Variants in GJC3 observed in about 807,000 individuals in gnomAD.
The protein encoded by GJC3 is gap junction protein gamma 3.
GJC3 carries 17 observed loss-of-function variants against 19.8 expected under a neutral mutation model. The ratio of observed to expected loss-of-function variants is 0.86; its 90% CI spans 0.59 to 1.29. The LOEUF is 1.29. Ranked by LOEUF, GJC3 falls within the 50% of genes most tolerant of loss-of-function variation. GJC3 has a pLI of 0.00. For missense variants in GJC3, 317 were observed against 332.5 expected, an observed-to-expected ratio of 0.95 and a Z score of 0.36; for synonymous variants, 140 against 136.5, an observed-to-expected ratio of 1.03 and a Z score of -0.18.
chr7:99,924,698 A>T (rs1819756748), intron 1 of GJC3, among the ~76,000 whole-genome samples: 1 of 152,362 alleles, frequency 6.6e-6, no homozygotes, highest in South Asian at 2.1e-4. Context: ...TTATGAATTC[A>T]TGGATTCCTA....
At chr7:99,924,075 C>T (rs2527906) in intron 1 of GJC3, among the ~76,000 whole-genome samples, 96,775 of 152,106 alleles carry the variant, frequency 0.64, 32,381 homozygotes, top group African/African-American at 0.84. Context: ...ATAGAAAATA[C>T]AAAGAATAGC....
upstream of GJC3, chr7:99,929,653 T>C (rs545208533): frequency 3.8e-6 from 6 of 1,572,194 alleles, no homozygotes; most frequent in East Asian, 1.1e-4. Flanking sequence ...GAGATCAGTG[T>C]TGTTCACTGT....
intron 1 of GJC3, 146 bp from the exon 2 acceptor site, chr7:99,923,749 C>A (rs866237217): frequency 1.5e-6 from 1 of 677,390 alleles, no homozygotes; most frequent in East Asian, 2.7e-5. Flanking sequence ...GCTTTGAAAA[C>A]TGAACTGACA....
Position 99,928,899 on chromosome 7 carries a change from T to G in GJC3, c.722A>C (p.His241Pro). Residue 241 changes from histidine to proline, a missense_variant, in exon 1 of 2, where the codon CAC becomes CCC. By Grantham distance (77) the His-to-Pro change is moderately conservative. Coordinates refer to ENST00000312891, the MANE Select transcript of GJC3 (RefSeq NM_181538.3). ...TGGGAGGCTATCGGTTGCTTTCTTGTGTCTTCTGGTGCTCTCTGAAGTTAG... is the reference window on the plus strand; with the variant it reads ...TGGGAGGCTATCGGTTGCTTTCTTGGGTCTTCTGGTGCTCTCTGAAGTTAG... ...YFLTSESTRR[H>P]KKATDSLPVV... 1.2e-6 allele frequency: 2 copies of G among 1,614,178 alleles called. No homozygotes were observed. Among genetic ancestry groups the G allele is most frequent in the Non-Finnish European group, 1.7e-6 (2 of 1,180,028 alleles).
At chr7:99,929,986 G>T (rs1584284767), upstream of GJC3, among the ~76,000 whole-genome samples, 1 of 152,306 alleles carries the variant, frequency 6.6e-6, no homozygotes, top group South Asian at 2.1e-4. Flanking sequence ...AGTAGACTGG[G>T]ATGTTTTGTT....
intron 1 of GJC3, among the ~76,000 whole-genome samples, chr7:99,928,419 A>C (rs979137253): frequency 2.6e-5 from 4 of 152,240 alleles, no homozygotes; most frequent in Non-Finnish European, 4.4e-5. Flanking sequence ...CTAATTTGTC[A>C]CAGACATGAA....
intron 1 of GJC3, among the ~76,000 whole-genome samples, chr7:99,928,076 A>G (rs1037530953): frequency 6.6e-6 from 1 of 152,240 alleles, no homozygotes; most frequent in African/African-American, 2.4e-5. Context: ...TTTCTGGCTT[A>G]TGACATGTGC....
At chr7:99,924,681 A>G (rs1235879766) in intron 1 of GJC3, among the ~76,000 whole-genome samples, 1 of 152,162 alleles carries the variant, frequency 6.6e-6, no homozygotes, top group Non-Finnish European at 1.5e-5. Context: ...TTATTCAATT[A>G]TTTATATTAT....
intron 1 of GJC3, among the ~76,000 whole-genome samples, 153 bp downstream of exon 1, chr7:99,928,687 G>A (rs748858471): frequency 3.9e-5 from 6 of 152,186 alleles, no homozygotes; most frequent in Non-Finnish European, 8.8e-5. Context: ...GAAAAGGGTT[G>A]GGAGTGGCGG....
rs779931199 is a variant in GJC3 at position 99,923,494 on chromosome 7, C to T, written c.*51G>A. On this transcript the variant is annotated 3_prime_UTR_variant, in exon 2 of 2. Coordinates refer to ENST00000312891, the MANE Select transcript of GJC3 (RefSeq NM_181538.3). Reference sequence around the variant, plus strand: ...AATGGTGAATAAGCTCCTCCTTGGACAGGATTTTAAGTATGGTGATGAGGA... The same window carrying T: ...AATGGTGAATAAGCTCCTCCTTGGATAGGATTTTAAGTATGGTGATGAGGA... 9.0e-6 allele frequency: 7 copies of T among 779,428 alleles called. No homozygotes were observed. The highest frequency in any genetic ancestry group is 1.7e-5 in the Non-Finnish European group (7 of 418,110). 48.3% of individuals were successfully genotyped at this position (779,428 alleles called of 1,614,324 possible). A position where few individuals can be genotyped will look rare whatever the true frequency, so the allele number is the denominator to read the frequency against.
In GJC3 at chr7:99,923,604, C is replaced by G. The variant is rs1465296757; in HGVS notation, c.782-1G>C. On this transcript the variant is annotated splice_acceptor_variant, in intron 1 of 1. Coordinates refer to ENST00000312891, the MANE Select transcript of GJC3 (RefSeq NM_181538.3). LOFTEE classifies it high-confidence loss of function. Reference sequence around the variant, plus strand: ...TCCTGGGCTAAGCTTCTTCCTGGAACTTTTTAAAACAAAAATTCAAGATGT... The same window carrying G: ...TCCTGGGCTAAGCTTCTTCCTGGAAGTTTTTAAAACAAAAATTCAAGATGT... 1 of 781,010 alleles carries G rather than the reference C, an allele frequency of 1.3e-6. No homozygotes were observed. The highest frequency in any genetic ancestry group is 2.4e-6 in the Non-Finnish European group (1 of 418,100). The allele number at this position is 781,010 out of a possible 1,614,324, so 48.4% of individuals were successfully genotyped here.
rs1194844442 is a variant in GJC3, at chr7:99,926,736, G to A, written c.781+2104C>T. Reference sequence around the variant, plus strand: ...AAGTTGATGAAAATGTTATTAAATTGGTAGTGTTGATGGATATACAACTCT... The same window carrying A: ...AAGTTGATGAAAATGTTATTAAATTAGTAGTGTTGATGGATATACAACTCT... On this transcript the variant is annotated intron_variant, in intron 1 of 1. Coordinates refer to ENST00000312891, the MANE Select transcript of GJC3 (RefSeq NM_181538.3). Among the ~76,000 whole-genome samples the A allele has an allele frequency of 2.0e-5, 3 of 152,206 alleles. No homozygotes were observed. In the South Asian group the frequency reaches 6.2e-4, roughly 32 times the overall value.
upstream of GJC3, among the ~76,000 whole-genome samples, chr7:99,930,385 T>G (rs1229615967): frequency 2.0e-5 from 3 of 152,182 alleles, no homozygotes; most frequent in African/African-American, 7.2e-5. Flanking sequence ...ACTGACTAGA[T>G]AGAAATTCAG....
At chr7:99,928,626 A>C (rs1819844200) in intron 1 of GJC3, among the ~76,000 whole-genome samples, 1 of 152,244 alleles carries the variant, frequency 6.6e-6, no homozygotes, top group South Asian at 2.1e-4. Flanking sequence ...GGAACCATCA[A>C]GTTGATGGGG....
chr7:99,928,757 C>G (rs1405058196), intron 1 of GJC3, 83 bp downstream of exon 1: 2 of 1,343,374 alleles, frequency 1.5e-6, no homozygotes, highest in African/African-American at 2.9e-5. Flanking sequence ...AGTTGTACTT[C>G]CCAGAAAGGT....
In GJC3 at chr7:99,927,560, G is replaced by A. The variant is rs185427808; in HGVS notation, c.781+1280C>T. Among the ~76,000 whole-genome samples, 10 of 148,396 alleles carry A rather than the reference G, an allele frequency of 6.7e-5. No individual in the cohort carries two copies. The East Asian group carries it at 1.8e-3, about 26-fold the overall frequency. On this transcript the variant is annotated intron_variant, in intron 1 of 1. Transcript: ENST00000312891. ...TTGGGGATAATTTGGGATTCAGAAA[G>A]AGAAAAAAAAATAGATAACTGCCTT... is the stretch of plus-strand genomic sequence containing the variant.
chr7:99,926,630 T>G (rs556913573), intron 1 of GJC3, among the ~76,000 whole-genome samples: 1 of 152,216 alleles, frequency 6.6e-6, no homozygotes, highest in African/African-American at 2.4e-5. Context: ...GGAAAACCAA[T>G]AGAGACAAAA....
At position 99,929,535 on chromosome 7, in the gene GJC3, A is replaced by G. The variant is rs747194328; in HGVS notation, c.86T>C (p.Leu29Pro). 65 of 1,613,886 alleles carry G rather than the reference A, an allele frequency of 4.0e-5. 1 individual carries two copies. In the South Asian group the frequency reaches 6.9e-4, roughly 17 times the overall value. ...PVGRLLLPVL[L>P]GFRLVLLAAS... ...AGCCAGCAGCACAAGGCGGAATCCC[A>G]GGAGCACGGGAAGCAAGAGGCGCCC... The change falls in exon 1 of 2, where the codon CTG (leucine) becomes CCG (proline). Residue 29 changes from leucine (L) to proline (P), a missense_variant. By Grantham distance (98) the Leu-to-Pro change is moderately conservative. Coordinates refer to ENST00000312891, the MANE Select transcript of GJC3 (RefSeq NM_181538.3).
At chr7:99,929,731 A>G, upstream of GJC3, 3 of 984,588 alleles carry the variant, frequency 3.0e-6, no homozygotes, top group South Asian at 4.2e-5. Flanking sequence ...AAGCTTTTTT[A>G]TTCCTCTCCA....
Sources: allele counts gnomAD v4.1 joint callset (sites outside exome capture counted in the v4.1 genomes callset), GRCh38; gene constraint gnomAD v4.1.1; transcripts MANE v1.5; gene names NCBI Gene and HGNC (gene_info 2026-07-23, HGNC 2026-07-21).